The following PCDH15 variants were observed in gnomAD, a reference collection of about 807,000 sequenced individuals.
PCDH15 encodes protocadherin related 15.
In PCDH15, 129 loss-of-function variants were observed where a neutral mutation model predicts 178.5. That is an observed-to-expected ratio of 0.72 (90% CI 0.63 to 0.84). PCDH15 has a LOEUF of 0.84. Among genes scored for constraint, PCDH15 ranks in the 40% least tolerant of loss-of-function variants. PCDH15 has a pLI of 0.00. For missense variants in PCDH15, 2,230 were observed against 2,099.9 expected (o/e 1.06, Z -1.21); for synonymous variants, 800 against 732.0 (o/e 1.09, Z -1.50).
chr10:54,436,052 AAAG>A lies in PCDH15; in HGVS notation c.158-57113_158-57111del, dbSNP rs1298544972. ...GAGAGGAGAGAGAGAGAGAGAGAGA[AAAG>A]AAAGAAAGAAAGAAAGAAGGAAGGA... On this transcript the variant is annotated intron_variant, in intron 3 of 37. Transcript: ENST00000644397. Among the ~76,000 whole-genome samples the A allele has an allele frequency of 7.8e-3, 1,108 of 142,256 alleles. 43 individuals carry two copies. Among genetic ancestry groups the A allele is most frequent in the African/African-American group, 0.029 (1,037 of 36,230 alleles). 93.3% of individuals were successfully genotyped at this position (142,256 alleles called of 152,430 possible).
At chr10:55,070,316 C>A (rs1293279800) in intron 2 of PCDH15, among the ~76,000 whole-genome samples, 1 of 151,854 alleles carries the variant, frequency 6.6e-6, no homozygotes, top group African/African-American at 2.4e-5. Flanking sequence ...GCTTTTGTTG[C>A]CATTGCTTTT....
At chr10:55,284,002 T>C (rs1842802229) in intron 1 of PCDH15, among the ~76,000 whole-genome samples, 1 of 152,184 alleles carries the variant, frequency 6.6e-6, no homozygotes, top group Non-Finnish European at 1.5e-5. Flanking sequence ...AGTGCTTTAG[T>C]ATTAAACTCA....
At chr10:54,920,948 A>T (rs1195039669) in intron 2 of PCDH15, among the ~76,000 whole-genome samples, 1 of 152,202 alleles carries the variant, frequency 6.6e-6, no homozygotes, top group Non-Finnish European at 1.5e-5. Context: ...TAGGAATAAT[A>T]AAAAAGTGCC....
intron 2 of PCDH15, among the ~76,000 whole-genome samples, chr10:55,350,629 A>G (rs899690434): frequency 6.6e-6 from 1 of 152,060 alleles, no homozygotes. Flanking sequence ...AAGATAGAAA[A>G]TGGAGTTTTA....
intron 2 of PCDH15, among the ~76,000 whole-genome samples, chr10:54,962,256 G>A (rs1838676260): frequency 6.6e-6 from 1 of 151,932 alleles, no homozygotes; most frequent in South Asian, 2.1e-4. Flanking sequence ...CAGAGCTGCT[G>A]TAACACTACA....
At chr10:54,209,269 T>C (rs530420385) in intron 10 of PCDH15, among the ~76,000 whole-genome samples, 43 of 152,174 alleles carry the variant, frequency 2.8e-4, no homozygotes, top group African/African-American at 9.9e-4. Context: ...GCATGATCTA[T>C]TTTTTGTTGT....
chr10:54,632,847 A>G (rs1210303757), intron 2 of PCDH15, among the ~76,000 whole-genome samples: 3 of 152,136 alleles, frequency 2.0e-5, no homozygotes, highest in Admixed American at 6.6e-5. Context: ...ACCTCAAAGG[A>G]CTTGAACAAG....
intron 13 of PCDH15, among the ~76,000 whole-genome samples, chr10:54,164,353 G>T (rs1005907515): frequency 3.3e-5 from 5 of 152,130 alleles, no homozygotes; most frequent in African/African-American, 1.2e-4. Context: ...TATGTAGTTA[G>T]ATAAAAATAA....
At chr10:53,839,877 G>GA (rs2077536282) in intron 29 of PCDH15, among the ~76,000 whole-genome samples, 1 of 152,062 alleles carries the variant, frequency 6.6e-6, no homozygotes, top group Admixed American at 6.5e-5. Flanking sequence ...GTAAGTTAAA[G>GA]AAAAAAGCAG....
intron 1 of PCDH15, among the ~76,000 whole-genome samples, chr10:54,703,757 C>T: frequency 6.6e-6 from 1 of 151,958 alleles, no homozygotes; most frequent in Non-Finnish European, 1.5e-5. Flanking sequence ...ATTCCATACT[C>T]ATATATAGCA....
chr10:54,679,211 A>C (rs539834804), intron 1 of PCDH15, among the ~76,000 whole-genome samples: 5,828 of 147,688 alleles, frequency 0.039, 176 homozygotes, highest in Middle Eastern at 0.14. Context: ...AAAAAAAAAA[A>C]CATACAATTG....
At chr10:54,560,566 A>G (rs1450142612) in intron 2 of PCDH15, among the ~76,000 whole-genome samples, 1 of 152,040 alleles carries the variant, frequency 6.6e-6, no homozygotes, top group African/African-American at 2.4e-5. Context: ...ATAGATACAC[A>G]CTTTTGTTAA....
chr10:54,326,066 C>T (rs1938003750), intron 7 of PCDH15, among the ~76,000 whole-genome samples: 1 of 152,118 alleles, frequency 6.6e-6, no homozygotes, highest in Non-Finnish European at 1.5e-5. Context: ...TAACAACCAG[C>T]TATCAGATAA....
intron 2 of PCDH15, among the ~76,000 whole-genome samples, chr10:54,585,272 T>C (rs1010374319): frequency 2.6e-5 from 4 of 152,112 alleles, no homozygotes; most frequent in African/African-American, 9.7e-5. Flanking sequence ...CAGTTTCTGA[T>C]TTGGTACTCC....
chr10:54,588,302 A>G (rs2091639718), intron 2 of PCDH15, among the ~76,000 whole-genome samples: 1 of 152,200 alleles, frequency 6.6e-6, no homozygotes, highest in African/African-American at 2.4e-5. Flanking sequence ...CTGGTGACAT[A>G]ATTATTGCCA....
intron 2 of PCDH15, among the ~76,000 whole-genome samples, chr10:55,071,162 C>T (rs1841734496): frequency 6.6e-6 from 1 of 152,094 alleles, no homozygotes; most frequent in African/African-American, 2.4e-5. Flanking sequence ...TTGTAAAGAC[C>T]ATCGAGGCTA....
At chr10:54,883,306 A>G (rs1363723049) in intron 3 of PCDH15, among the ~76,000 whole-genome samples, 3 of 152,018 alleles carry the variant, frequency 2.0e-5, no homozygotes, top group African/African-American at 7.2e-5. Context: ...AAAAAGTAAA[A>G]CCTATTTCAG....
At chr10:54,996,985 T>TGCAATCCTAGCTACTCAGGAGGCCGAG (rs1190389106) in intron 2 of PCDH15, among the ~76,000 whole-genome samples, 16 of 151,628 alleles carry the variant, frequency 1.1e-4, no homozygotes, top group African/African-American at 3.6e-4. Context: ...GGCGGGCGCC[T>TGCAATCCTAGCTACTCAGGAGGCCGAG]GCAATCCTAG....
intron 1 of PCDH15, among the ~76,000 whole-genome samples, chr10:54,772,344 G>A (rs78166836): frequency 0.027 from 4,059 of 151,910 alleles, 156 homozygotes; most frequent in African/African-American, 0.091. Context: ...TAAAAGTAAA[G>A]TCTTTGTAAA....
Sources: gnomAD v4.1 joint callset for allele counts (sites outside exome capture counted in the v4.1 genomes callset) on GRCh38, gnomAD v4.1.1 for gene constraint, MANE v1.5 for transcripts, NCBI Gene and HGNC (gene_info 2026-07-23, HGNC 2026-07-21) for gene names.